Variants in CDS1 observed in about 807,000 individuals in gnomAD.
CDS1 encodes the protein CDP-diacylglycerol synthase 1.
Under a neutral mutation model 62.1 loss-of-function variants are expected in CDS1, and 41 were observed. That is an observed-to-expected ratio of 0.66 (90% CI 0.51 to 0.86). CDS1 has a LOEUF of 0.86. Among genes scored for constraint, CDS1 ranks in the 40% least tolerant of loss-of-function variants. CDS1 has a pLI of 0.00. For synonymous variants in CDS1, 185 were observed against 192.6 expected (o/e 0.96, Z 0.32); for missense variants, 470 against 550.1 (o/e 0.85, Z 1.46).
chr4:84,608,843 C>T (rs1723215603), intron 2 of CDS1, among the ~76,000 whole-genome samples: 1 of 152,032 alleles, frequency 6.6e-6, no homozygotes, highest in East Asian at 1.9e-4. Flanking sequence ...CACCTAACGT[C>T]CTAACCTCAC....
In CDS1 at chr4:84,609,413, T is replaced by G; in HGVS notation, c.246-16T>G. On this transcript the variant is annotated splice_polypyrimidine_tract_variant and intron_variant, in intron 2 of 12. Coordinates refer to ENST00000295887, the MANE Select transcript of CDS1 (RefSeq NM_001263.4). ...TTAAGAACACGTTAAATACTAACTT[T>G]ACATTTTCTTTGTAGGTGGAAAAAC... 1 of 1,516,798 alleles carries G rather than the reference T, an allele frequency of 6.6e-7. No individual in the cohort carries two copies. Among genetic ancestry groups the G allele is most frequent in the South Asian group, 1.1e-5 (1 of 87,922 alleles). 94.0% of individuals were successfully genotyped at this position (1,516,798 alleles called of 1,614,324 possible).
intron 1 of CDS1, among the ~76,000 whole-genome samples, chr4:84,599,407 TA>T (rs1722858996): frequency 1.3e-4 from 1 of 7,762 alleles, no homozygotes; most frequent in Non-Finnish European, 3.0e-4. Flanking sequence ...CACACACACA[TA>T]TATATATATA....
At chr4:84,630,636 C>G (rs1005081419) in intron 5 of CDS1, among the ~76,000 whole-genome samples, 24 of 152,168 alleles carry the variant, frequency 1.6e-4, no homozygotes, top group African/African-American at 5.8e-4. Flanking sequence ...TTGGAGAACT[C>G]ACTCTTTAAA....
chr4:84,615,921 TTC>T (rs1186859953), intron 3 of CDS1, among the ~76,000 whole-genome samples: 1 of 152,344 alleles, frequency 6.6e-6, no homozygotes, highest in East Asian at 1.9e-4. Context: ...ACCTTTTGTT[TTC>T]TGTTTTCCTA....
intron 11 of CDS1, among the ~76,000 whole-genome samples, chr4:84,644,029 G>A (rs1253255707): frequency 1.3e-5 from 2 of 152,162 alleles, no homozygotes; most frequent in Non-Finnish European, 2.9e-5. Context: ...AGGTTAATTA[G>A]CCTGTTAGAA....
At position 84,645,148 on chromosome 4, in the gene CDS1, A is replaced by G. The variant is rs374666027; in HGVS notation, c.1153-74A>G. On this transcript the variant is annotated intron_variant, in intron 11 of 12. Coordinates refer to ENST00000295887, the MANE Select transcript of CDS1 (RefSeq NM_001263.4). ...TTCGTTAGAGTGAGTCCATGACGCC[A>G]AAGAGACACAGATAGGAATTTTATA... 35 of 955,390 alleles carry G rather than the reference A, an allele frequency of 3.7e-5. No homozygotes were observed. The East Asian group carries it at 6.0e-4, about 16-fold the overall frequency. 59.2% of individuals were successfully genotyped at this position (955,390 alleles called of 1,614,324 possible).
At chr4:84,615,814 C>A (rs1258371424) in intron 3 of CDS1, among the ~76,000 whole-genome samples, 1 of 152,284 alleles carries the variant, frequency 6.6e-6, no homozygotes, top group African/African-American at 2.4e-5. Context: ...GTGTACATTG[C>A]TACCAGTGTT....
chr4:84,641,505 A>C (rs530948842), intron 10 of CDS1, among the ~76,000 whole-genome samples: 1 of 152,368 alleles, frequency 6.6e-6, no homozygotes, highest in East Asian at 1.9e-4. Flanking sequence ...GTTACAAATC[A>C]AATGGATCAA....
chr4:84,630,575 A>G (rs1723988908), intron 5 of CDS1, among the ~76,000 whole-genome samples: 1 of 152,224 alleles, frequency 6.6e-6, no homozygotes. Context: ...TTGGATGTAC[A>G]AAGTCTAGTA....
chr4:84,596,652 TC>T (rs1448553590), intron 1 of CDS1, among the ~76,000 whole-genome samples: 1 of 152,186 alleles, frequency 6.6e-6, no homozygotes, highest in Non-Finnish European at 1.5e-5. Context: ...TCCTTAATTC[TC>T]CCTTGAATTG....
intron 1 of CDS1, among the ~76,000 whole-genome samples, chr4:84,596,568 A>T (rs1722758210): frequency 6.6e-6 from 1 of 152,208 alleles, no homozygotes; most frequent in African/African-American, 2.4e-5. Flanking sequence ...TGATTATATT[A>T]GACTCACCTG....
intron 5 of CDS1, among the ~76,000 whole-genome samples, chr4:84,631,315 A>G (rs2148654861): frequency 6.6e-6 from 1 of 152,258 alleles, no homozygotes; most frequent in East Asian, 1.9e-4. Context: ...ATATTATAGG[A>G]ATTTTGAAAG....
intron 12 of CDS1, 57 bp from the exon 13 acceptor site, chr4:84,648,500 C>G: frequency 6.5e-7 from 1 of 1,532,878 alleles, no homozygotes; most frequent in Non-Finnish European, 8.9e-7. Flanking sequence ...GAGGTATGTG[C>G]TTCACTTATC....
chr4:84,599,100 G>A (rs1199288535), intron 1 of CDS1, among the ~76,000 whole-genome samples: 2 of 152,022 alleles, frequency 1.3e-5, no homozygotes, highest in Non-Finnish European at 2.9e-5. Flanking sequence ...TATAAATCTG[G>A]AGGCTGGACA....
rs75140922 is a variant in CDS1 at position 84,621,628 on chromosome 4, T to C, written c.580+2095T>C. Among the ~76,000 whole-genome samples the C allele has an allele frequency of 2.7e-3, 415 of 152,326 alleles. 2 individuals carry two copies. Among genetic ancestry groups the C allele is most frequent in the African/African-American group, 9.7e-3 (405 of 41,566 alleles). On this transcript the variant is annotated intron_variant, in intron 5 of 12. Transcript: ENST00000295887. ...TTTTCCCAGAGATTAGGTCTCCCCA[T>C]GTGGCCCAGGCTGGTCTCGAACTCC... is the stretch of plus-strand genomic sequence containing the variant.
intron 1 of CDS1, among the ~76,000 whole-genome samples, chr4:84,599,233 C>T (rs1347783078): frequency 3.9e-5 from 6 of 151,910 alleles, no homozygotes; most frequent in Non-Finnish European, 8.8e-5. Flanking sequence ...GCACCAAACC[C>T]ATTTGTGAGT....
chr4:84,624,156 C>T (rs1430609786), intron 5 of CDS1, among the ~76,000 whole-genome samples: 1 of 151,448 alleles, frequency 6.6e-6, no homozygotes. Flanking sequence ...CGCCTATAGT[C>T]CCAGCTACTT....
chr4:84,627,917 TATTGGTTCTAAACCTTAGACTAACC>T (rs1723908316), intron 5 of CDS1, among the ~76,000 whole-genome samples: 1 of 152,202 alleles, frequency 6.6e-6, no homozygotes, highest in South Asian at 2.1e-4. Flanking sequence ...CACATGCTAG[TATTGGTTCTAAACCTTAGACTAACC>T]ATTCAGATTA....
chr4:84,650,546 G>T lies in CDS1; in HGVS notation c.*1860G>T, dbSNP rs1046759684. The T allele has an allele frequency of 6.6e-6, 1 of 152,116 alleles. No individual in the cohort carries two copies. The highest frequency in any genetic ancestry group is 1.5e-5 in the Non-Finnish European group (1 of 68,014). 9.4% of individuals were successfully genotyped at this position (152,116 alleles called of 1,614,324 possible). A position where few individuals can be genotyped will look rare whatever the true frequency, so the allele number is the denominator to read the frequency against. ...ACTTACATTAAAAACTCAGTAGTTTGCATGAGTAAGAACTCCTTGAGATAC... is the reference window on the plus strand; with the variant it reads ...ACTTACATTAAAAACTCAGTAGTTTTCATGAGTAAGAACTCCTTGAGATAC... On this transcript the variant is annotated 3_prime_UTR_variant, in exon 13 of 13. Transcript: ENST00000295887.
Sources: gnomAD v4.1 joint callset for allele counts (sites outside exome capture counted in the v4.1 genomes callset) on GRCh38, gnomAD v4.1.1 for gene constraint, MANE v1.5 for transcripts, NCBI Gene and HGNC (gene_info 2026-07-23, HGNC 2026-07-21) for gene names.